Variants in ATP2C1 observed in about 807,000 individuals in gnomAD.
ATP2C1 encodes the protein calcium-transporting ATPase type 2C member 1.
In ATP2C1, 31 loss-of-function variants were observed where a neutral mutation model predicts 120.5. The observed-to-expected ratio is 0.26, with a 90% CI of 0.19 to 0.35. The LOEUF is 0.35. ATP2C1 is among the 10% of genes least tolerant of loss of function. The probability of loss-of-function intolerance (pLI) is 1.00; values close to 1 mark genes in which losing one functional copy is unlikely to be tolerated. For synonymous variants in ATP2C1, 351 were observed against 358.7 expected, an observed-to-expected ratio of 0.98 and a Z score of 0.24; for missense variants, 731 against 1,107.5, an observed-to-expected ratio of 0.66 and a Z score of 4.83.
chr3:130,867,550 C>G (rs1026818707), intron 1 of ATP2C1, among the ~76,000 whole-genome samples: 1 of 149,232 alleles, frequency 6.7e-6, no homozygotes, highest in African/African-American at 2.5e-5. Context: ...CCTCGGCCTC[C>G]CGAGGTGCCG....
At chr3:131,003,372 A>G (rs767553722), downstream of ATP2C1, among the ~76,000 whole-genome samples, 10 of 152,180 alleles carry the variant, frequency 6.6e-5, no homozygotes, top group Non-Finnish European at 1.2e-4. Flanking sequence ...TAAATTTTAA[A>G]TTTTTACCCT....
intron 2 of ATP2C1, among the ~76,000 whole-genome samples, chr3:130,917,177 A>C (rs989067664): frequency 1.3e-5 from 2 of 152,222 alleles, no homozygotes; most frequent in Admixed American, 1.3e-4. Context: ...GGCTAATGTA[A>C]GTGTTGCTGA....
intron 19 of ATP2C1, among the ~76,000 whole-genome samples, chr3:130,979,889 G>A (rs1174771752): frequency 2.0e-5 from 3 of 152,172 alleles, no homozygotes; most frequent in Non-Finnish European, 4.4e-5. Context: ...GAATAAGAGC[G>A]AAGAAGAGAA....
intron 1 of ATP2C1, among the ~76,000 whole-genome samples, chr3:130,884,533 T>C (rs368886904): frequency 6.6e-6 from 1 of 152,226 alleles, no homozygotes; most frequent in Admixed American, 6.5e-5. Context: ...TGGTCTACAG[T>C]GCAGATTAAA....
At chr3:130,901,828 C>T (rs1559899085) in intron 2 of ATP2C1, among the ~76,000 whole-genome samples, 2 of 152,008 alleles carry the variant, frequency 1.3e-5, no homozygotes, top group Non-Finnish European at 2.9e-5. Context: ...CTGGCTTCTT[C>T]CTTCTAAGTG....
rs1354976697 is a variant in ATP2C1, at chr3:130,950,551, T to A, written c.532-3270T>A. Among the ~76,000 whole-genome samples the A allele has an allele frequency of 2.0e-5, 3 of 152,156 alleles. No homozygotes were observed. In the East Asian group the frequency reaches 5.8e-4, roughly 29 times the overall value. ...TTCCCTCTACTCCCTCAAAACTACT[T>A]CCTAGGAAAACTCTTGCAATCACTA... On this transcript the variant is annotated intron_variant, in intron 8 of 27. Coordinates refer to ENST00000510168, the MANE Select transcript of ATP2C1 (RefSeq NM_001378687.1).
upstream of ATP2C1, among the ~76,000 whole-genome samples, chr3:130,891,424 G>A (rs747948573): frequency 1.3e-5 from 2 of 152,122 alleles, no homozygotes; most frequent in Non-Finnish European, 2.9e-5. Flanking sequence ...TTTCCCATTT[G>A]TAATATTTCC....
At chr3:130,861,778 T>A (rs947498203) in intron 1 of ATP2C1, among the ~76,000 whole-genome samples, 60 of 152,136 alleles carry the variant, frequency 3.9e-4, no homozygotes, top group Non-Finnish European at 2.9e-4. Flanking sequence ...TTATTTAGAA[T>A]GGAAGAAGAA....
exon 1 of ATP2C1, chr3:130,850,599 C>A (rs1177778702): frequency 6.1e-6 from 2 of 325,526 alleles, no homozygotes; most frequent in Non-Finnish European, 1.1e-5. Context: ...TTGGGCATTG[C>A]ATTTCTGGAC....
At chr3:130,854,937 A>G (rs1219445193) in intron 1 of ATP2C1, among the ~76,000 whole-genome samples, 3 of 152,190 alleles carry the variant, frequency 2.0e-5, no homozygotes, top group Non-Finnish European at 4.4e-5. Flanking sequence ...ATGTGTCCAA[A>G]GAGAATTCCA....
At position 130,993,123 on chromosome 3, in the gene ATP2C1, T is replaced by TG. The variant is rs200441574; in HGVS notation, c.1890+122_1890+123insG. 0.011 allele frequency: 4,828 copies of TG among 447,138 alleles called. 54 individuals are homozygous for TG. In the East Asian group the frequency reaches 0.11, roughly 10 times the overall value. 27.7% of individuals were successfully genotyped at this position (447,138 alleles called of 1,614,324 possible). ...TCAGAAATACTGTGAAGCAAAACAG[T>TG]TTTTTTTTTTTGTAAGAGCTTGACA... On this transcript the variant is annotated intron_variant, in intron 21 of 27. Transcript: ENST00000510168.
At chr3:131,009,870 C>G (rs1369672934) in intron 26 of ATP2C1, among the ~76,000 whole-genome samples, 1 of 152,074 alleles carries the variant, frequency 6.6e-6, no homozygotes, top group Non-Finnish European at 1.5e-5. Flanking sequence ...AGATAAACAC[C>G]AAGTACCCCA....
intron 27 of ATP2C1, among the ~76,000 whole-genome samples, chr3:131,000,707 A>G (rs918720053): frequency 6.6e-6 from 1 of 152,168 alleles, no homozygotes; most frequent in Non-Finnish European, 1.5e-5. Flanking sequence ...TTTCCTAGTT[A>G]TGTGACTTTG....
At chr3:130,959,614 A>G (rs2060731519) in intron 12 of ATP2C1, 1 of 185,032 alleles carries the variant, frequency 5.4e-6, no homozygotes, top group African/African-American at 2.4e-5. Flanking sequence ...GGATTGTCAA[A>G]TTGAAAACTA....
At chr3:130,954,360 C>T (rs1178630658) in intron 9 of ATP2C1, among the ~76,000 whole-genome samples, 1 of 152,110 alleles carries the variant, frequency 6.6e-6, no homozygotes, top group Non-Finnish European at 1.5e-5. Flanking sequence ...GATACTCCAC[C>T]AGTGCAAAAG....
At position 130,941,252 on chromosome 3, in the gene ATP2C1, G is replaced by GTGTGTGTGTGTGTGTGTGTC. The variant is rs1553764222; in HGVS notation, c.423-326_423-325insGTGTGTCTGTGTGTGTGTGT. Among the ~76,000 whole-genome samples, 12 of 144,382 alleles carry GTGTGTGTGTGTGTGTGTGTC rather than the reference G, an allele frequency of 8.3e-5. No individual in the cohort carries two copies. In the South Asian group the frequency reaches 1.5e-3, roughly 18 times the overall value. 94.7% of individuals were successfully genotyped at this position (144,382 alleles called of 152,430 possible). A position where few individuals can be genotyped will look rare whatever the true frequency, so the allele number is the denominator to read the frequency against. On this transcript the variant is annotated intron_variant, in intron 7 of 27. Transcript: ENST00000510168. ...TGTGTGTGTGTGTGTGTGTGTGTGT[G>GTGTGTGTGTGTGTGTGTGTC]TGTGTGTGTGTGTCTGTGTGTGTGC...
intron 1 of ATP2C1, among the ~76,000 whole-genome samples, chr3:130,866,099 T>A (rs913111801): frequency 5.9e-5 from 9 of 152,226 alleles, no homozygotes; most frequent in African/African-American, 2.2e-4. Flanking sequence ...TGCTTACAAT[T>A]CTGTTCTGTA....
intron 26 of ATP2C1, among the ~76,000 whole-genome samples, chr3:131,011,356 C>T (rs1373422298): frequency 1.3e-5 from 2 of 152,352 alleles, no homozygotes; most frequent in Non-Finnish European, 2.9e-5. Flanking sequence ...CTGCAGCTTT[C>T]TCTCTAAAAT....
intron 1 of ATP2C1, among the ~76,000 whole-genome samples, chr3:130,858,628 G>T (rs945473545): frequency 3.9e-5 from 6 of 152,230 alleles, no homozygotes; most frequent in African/African-American, 1.4e-4. Context: ...CAGATGGAAG[G>T]CACTGAATAC....
Sources: allele counts gnomAD v4.1 joint callset (sites outside exome capture counted in the v4.1 genomes callset), GRCh38; gene constraint gnomAD v4.1.1; transcripts MANE v1.5; gene names NCBI Gene and HGNC (gene_info 2026-07-23, HGNC 2026-07-21).